GLB1: variants seen among roughly 807,000 people sequenced by gnomAD.
The protein encoded by GLB1 is galactosidase beta 1, also known as beta-galactosidase.
Under a neutral mutation model 74.0 loss-of-function variants are expected in GLB1, and 56 were observed. That is an observed-to-expected ratio of 0.76 (90% CI 0.61 to 0.94). The LOEUF (loss-of-function observed/expected upper bound fraction) is 0.94, where lower values mean the gene tolerates loss of function less well. Among genes scored for constraint, GLB1 ranks in the 40% least tolerant of loss-of-function variants. The pLI, the probability that GLB1 is intolerant of heterozygous loss-of-function variation, is 0.00. For synonymous variants in GLB1, 323 were observed against 323.6 expected (o/e 1.00, Z 0.02); for missense variants, 787 against 845.5 (o/e 0.93, Z 0.86).
At chr3:32,973,427 G>T in the GLB1 span, among the ~76,000 whole-genome samples, 1 of 152,048 alleles carries the variant, frequency 6.6e-6, no homozygotes, top group Non-Finnish European at 1.5e-5. Flanking sequence ...TCCACCTCCT[G>T]GGTTCAAGCA....
At chr3:33,044,870 C>T (rs904704595) in intron 10 of GLB1, among the ~76,000 whole-genome samples, 2 of 151,986 alleles carry the variant, frequency 1.3e-5, no homozygotes, top group African/African-American at 4.8e-5. Context: ...AGACAGGAAA[C>T]CCCACCTAGG....
intron 1 of GLB1, among the ~76,000 whole-genome samples, chr3:33,076,417 G>A (rs1255080218): frequency 6.6e-6 from 1 of 152,188 alleles, no homozygotes; most frequent in East Asian, 1.9e-4. Flanking sequence ...GAGCCATGGA[G>A]AGCAACTGAA....
At chr3:32,985,936 T>C in the GLB1 span, among the ~76,000 whole-genome samples, 2 of 152,212 alleles carry the variant, frequency 1.3e-5, no homozygotes, top group Non-Finnish European at 2.9e-5. Flanking sequence ...GGTCTTGAAC[T>C]CCTGACCTCA....
At chr3:32,970,489 G>C in the GLB1 span, among the ~76,000 whole-genome samples, 1 of 152,272 alleles carries the variant, frequency 6.6e-6, no homozygotes, top group Non-Finnish European at 1.5e-5. Context: ...GCATGGCTAG[G>C]TATGGAAAAG....
the GLB1 span, among the ~76,000 whole-genome samples, chr3:32,967,608 G>A: frequency 1.3e-5 from 2 of 150,958 alleles, no homozygotes; most frequent in Non-Finnish European, 2.9e-5. Context: ...AATCTGACTG[G>A]GCTGGTGCAC....
In GLB1 at chr3:33,058,931, G is replaced by A. The variant is rs151002712; in HGVS notation, c.553-662C>T. On this transcript the variant is annotated intron_variant, in intron 5 of 15. Transcript: ENST00000307363. ...TGTTCAGTTTGTGCTCAATAACATC[G>A]GTGGTTCTCAACCAGGAGCTCTTTA... 2.2e-4 allele frequency among the ~76,000 whole-genome samples: 34 copies of A among 152,134 alleles called. No individual in the cohort carries two copies. The South Asian group carries it at 6.8e-3, about 31-fold the overall frequency.
intron 15 of GLB1, among the ~76,000 whole-genome samples, chr3:33,004,506 T>C (rs1254886583): frequency 6.6e-6 from 1 of 152,178 alleles, no homozygotes; most frequent in Non-Finnish European, 1.5e-5. Context: ...AAAAACTCAA[T>C]TTAAAAATAG....
At chr3:32,978,194 A>G in the GLB1 span, among the ~76,000 whole-genome samples, 1 of 152,234 alleles carries the variant, frequency 6.6e-6, no homozygotes, top group African/African-American at 2.4e-5. Flanking sequence ...GAACTGTCTT[A>G]ACGTCCACAG....
chr3:33,093,671 C>G lies in GLB1; in HGVS notation c.75+3340G>C, dbSNP rs1164213145. ...CATTCAGAATCCCGGCCACGCTGAG[C>G]ACAGCAGTCACTCCCACTGCCAGGG... On this transcript the variant is annotated intron_variant, in intron 1 of 15. Transcript: ENST00000307363. The surrounding 1 kb of genome is among the most constrained non-coding windows in gnomAD (Gnocchi z 6.0). The G allele has an allele frequency of 9.3e-6, 15 of 1,614,192 alleles. No individual in the cohort carries two copies. Among genetic ancestry groups the G allele is most frequent in the Non-Finnish European group, 1.3e-5 (15 of 1,180,040 alleles).
chr3:33,085,776 C>T (rs2125573913), intron 1 of GLB1, among the ~76,000 whole-genome samples: 1 of 151,956 alleles, frequency 6.6e-6, no homozygotes, highest in African/African-American at 2.4e-5. Flanking sequence ...GTGGTTCACA[C>T]CTGTAATGCC....
chr3:33,009,132 A>AATAC (rs1696910489), intron 15 of GLB1, among the ~76,000 whole-genome samples: 1 of 150,260 alleles, frequency 6.7e-6, no homozygotes, highest in African/African-American at 2.4e-5. Context: ...AAAATAAATA[A>AATAC]ATAAATAAAT....
chr3:32,999,467 A>C (rs947155998), intron 15 of GLB1, among the ~76,000 whole-genome samples: 1 of 152,208 alleles, frequency 6.6e-6, no homozygotes, highest in East Asian at 1.9e-4. Flanking sequence ...TCGCAGGTGA[A>C]CAAAGTGGAG....
At chr3:33,031,819 C>A (rs1559391436) in intron 10 of GLB1, among the ~76,000 whole-genome samples, 1 of 151,108 alleles carries the variant, frequency 6.6e-6, no homozygotes. Flanking sequence ...GTTTTTGAGA[C>A]AGAGTTTTGC....
At chr3:33,063,745 A>C (rs1699546459) in intron 5 of GLB1, among the ~76,000 whole-genome samples, 1 of 152,168 alleles carries the variant, frequency 6.6e-6, no homozygotes, top group Non-Finnish European at 1.5e-5. Context: ...GACGCACCCA[A>C]GTTTCAGACT....
intron 10 of GLB1, among the ~76,000 whole-genome samples, chr3:33,044,705 T>C (rs1698671109): frequency 6.6e-6 from 1 of 152,180 alleles, no homozygotes; most frequent in South Asian, 2.1e-4. Flanking sequence ...AAATTTGTAA[T>C]ATTCATTTTA....
chr3:33,041,832 G>A (rs897277169), intron 10 of GLB1, among the ~76,000 whole-genome samples: 1 of 151,762 alleles, frequency 6.6e-6, no homozygotes, highest in Non-Finnish European at 1.5e-5. Flanking sequence ...TGTGGTCCTG[G>A]GACAAAGGTA....
chr3:32,984,585 C>G, the GLB1 span, among the ~76,000 whole-genome samples: 3 of 151,406 alleles, frequency 2.0e-5, no homozygotes, highest in Admixed American at 2.0e-4. Flanking sequence ...TGAGACCAGC[C>G]TGGGCAACAT....
chr3:33,016,734 T>C lies in GLB1; in HGVS notation c.1454A>G (p.Tyr485Cys), dbSNP rs1553606400. 1.2e-6 allele frequency: 2 copies of C among 1,614,016 alleles called. No individual in the cohort carries two copies. Among genetic ancestry groups the C allele is most frequent in the Admixed American group, 1.7e-5 (1 of 59,996 alleles). The change falls in exon 14 of 16, where the codon TAT becomes TGT. Residue 485 changes from tyrosine to cysteine, a missense_variant. Physicochemically the swap from Tyr to Cys is radical, Grantham distance 194. Transcript: ENST00000307363. Reference sequence around the variant, plus strand: ...CTTAAAATCGTTGATATATGCACCATAGTTCACACGTCCCATGTTCTCTAC... The same window carrying C: ...CTTAAAATCGTTGATATATGCACCACAGTTCACACGTCCCATGTTCTCTAC... ...LLVENMGRVNYGAYINDFKGL... is the reference protein window; with the variant it reads ...LLVENMGRVNCGAYINDFKGL...
intron 15 of GLB1, among the ~76,000 whole-genome samples, chr3:33,007,698 C>T (rs1231099570): frequency 6.6e-6 from 1 of 152,156 alleles, no homozygotes; most frequent in Non-Finnish European, 1.5e-5. Flanking sequence ...TTTGAGTGGA[C>T]ATATGGATTA....
Sources: gnomAD v4.1 joint callset for allele counts (sites outside exome capture counted in the v4.1 genomes callset) on GRCh38, gnomAD v4.1.1 for gene constraint, Gnocchi (gnomAD v3.1) non-coding constraint, MANE v1.5 for transcripts, NCBI Gene and HGNC (gene_info 2026-07-23, HGNC 2026-07-21) for gene names.